ERC2: variants seen among roughly 807,000 people sequenced by gnomAD.
ERC2 encodes ERC protein 2.
A neutral mutation model predicts 114.8 loss-of-function variants in ERC2; 42 were observed. That is an observed-to-expected ratio of 0.37 (90% CI 0.29 to 0.47). The LOEUF (loss-of-function observed/expected upper bound fraction) is 0.47, where lower values mean the gene tolerates loss of function less well. ERC2 is among the 20% of genes least tolerant of loss of function. The pLI is 0.99. For missense variants in ERC2, 939 were observed against 1,150.7 expected (o/e 0.82, Z 2.66); for synonymous variants, 454 against 425.5 (o/e 1.07, Z -0.82).
intron 3 of ERC2, among the ~76,000 whole-genome samples, chr3:56,267,717 T>C (rs2053411934): frequency 6.6e-6 from 1 of 152,068 alleles, no homozygotes. Flanking sequence ...AGGCGTAGGT[T>C]GCAGTGAGCC....
intron 13 of ERC2, among the ~76,000 whole-genome samples, chr3:55,921,999 C>A (rs1311225002): frequency 6.6e-6 from 1 of 152,018 alleles, no homozygotes; most frequent in Non-Finnish European, 1.5e-5. Flanking sequence ...TACTGCTTTG[C>A]CCTACACATT....
intron 14 of ERC2, among the ~76,000 whole-genome samples, chr3:55,748,682 G>A (rs2066467287): frequency 6.6e-6 from 1 of 152,174 alleles, no homozygotes; most frequent in African/African-American, 2.4e-5. Context: ...CCCTCTGCAT[G>A]TATCAAATAC....
At chr3:55,939,014 T>C (rs954482382) in intron 13 of ERC2, among the ~76,000 whole-genome samples, 1 of 152,210 alleles carries the variant, frequency 6.6e-6, no homozygotes, top group African/African-American at 2.4e-5. Flanking sequence ...TAGAAATCAA[T>C]GTGGATTCTG....
intron 2 of ERC2, among the ~76,000 whole-genome samples, chr3:56,404,046 T>C (rs943943159): frequency 2.6e-5 from 4 of 152,236 alleles, no homozygotes; most frequent in African/African-American, 9.6e-5. Context: ...TTGGGCCTTC[T>C]TCATGGAACT....
chr3:56,332,288 C>A (rs1192472696), intron 2 of ERC2, among the ~76,000 whole-genome samples: 1 of 152,202 alleles, frequency 6.6e-6, no homozygotes, highest in African/African-American at 2.4e-5. Context: ...GCCAAAGCAT[C>A]CAAGCTCATA....
intron 7 of ERC2, among the ~76,000 whole-genome samples, chr3:56,079,521 G>C (rs2077129220): frequency 6.6e-6 from 1 of 152,146 alleles, no homozygotes; most frequent in Admixed American, 6.5e-5. Flanking sequence ...GGCCAGACTG[G>C]CCAGAGGGAG....
chr3:56,357,737 T>C (rs1440555868), intron 2 of ERC2, among the ~76,000 whole-genome samples: 1 of 150,018 alleles, frequency 6.7e-6, no homozygotes, highest in Non-Finnish European at 1.5e-5. Flanking sequence ...TCATATTCCA[T>C]TGTTAAACTT....
At chr3:56,274,593 C>A (rs930924153) in intron 3 of ERC2, among the ~76,000 whole-genome samples, 2 of 152,128 alleles carry the variant, frequency 1.3e-5, no homozygotes, top group African/African-American at 4.8e-5. Context: ...TTGTGATTTG[C>A]CTAAAAACTG....
chr3:56,376,137 G>A (rs916597792), intron 2 of ERC2, among the ~76,000 whole-genome samples: 1 of 152,194 alleles, frequency 6.6e-6, no homozygotes, highest in African/African-American at 2.4e-5. Flanking sequence ...ATGCAGCTAA[G>A]CTGTCCTCAG....
chr3:56,431,338 C>A (rs1476856018), intron 2 of ERC2, among the ~76,000 whole-genome samples: 2 of 152,148 alleles, frequency 1.3e-5, no homozygotes, highest in Non-Finnish European at 2.9e-5. Context: ...AGGACTCCAC[C>A]TCACACTCCC....
intron 1 of ERC2, among the ~76,000 whole-genome samples, chr3:56,443,958 A>ATTTTTTTTTTTTTTT (rs11343406): frequency 3.4e-4 from 27 of 80,236 alleles, no homozygotes; most frequent in South Asian, 5.5e-4. Context: ...AATACCTACA[A>ATTTTTTTTTTTTTTT]TTTTTTTTTT....
chr3:55,864,269 ATG>A (rs1160212991), intron 14 of ERC2, among the ~76,000 whole-genome samples: 3 of 148,798 alleles, frequency 2.0e-5, no homozygotes, highest in Non-Finnish European at 3.0e-5. Flanking sequence ...GTGTGTGTGT[ATG>A]TGTGTGTTTA....
intron 14 of ERC2, among the ~76,000 whole-genome samples, chr3:55,742,179 G>A (rs1005514740): frequency 2.6e-5 from 4 of 151,708 alleles, no homozygotes; most frequent in African/African-American, 9.7e-5. Flanking sequence ...GCCTTCTTTT[G>A]AGTGTCGCCT....
chr3:55,612,811 G>A (rs1280799845), intron 17 of ERC2: 1 of 152,166 alleles, frequency 6.6e-6, no homozygotes, highest in Admixed American at 6.5e-5. Flanking sequence ...GTTTTAGAAT[G>A]TATCTACTAT....
chr3:56,364,783 C>G lies in ERC2; in HGVS notation c.658-68348G>C, dbSNP rs187017183. 1.6e-3 allele frequency among the ~76,000 whole-genome samples: 248 copies of G among 152,310 alleles called. 1 individual carries two copies. Among genetic ancestry groups the G allele is most frequent in the Non-Finnish European group, 2.9e-3 (197 of 68,030 alleles). Reference sequence around the variant, plus strand: ...AAGCCTTAATCTTCTCCCGTTGGGGCTCATAACACATGGTGGTGGAATGCC... The same window carrying G: ...AAGCCTTAATCTTCTCCCGTTGGGGGTCATAACACATGGTGGTGGAATGCC... On this transcript the variant is annotated intron_variant, in intron 2 of 17. Coordinates refer to ENST00000288221, the MANE Select transcript of ERC2 (RefSeq NM_015576.3).
At chr3:56,049,150 G>A (rs1055447580) in intron 7 of ERC2, among the ~76,000 whole-genome samples, 6 of 152,182 alleles carry the variant, frequency 3.9e-5, no homozygotes, top group Non-Finnish European at 1.5e-5. Context: ...AAAGCAGTAG[G>A]TGGCTTTAGC....
chr3:55,976,064 C>T (rs894208591), intron 12 of ERC2, among the ~76,000 whole-genome samples: 4 of 152,150 alleles, frequency 2.6e-5, no homozygotes, highest in African/African-American at 4.8e-5. Flanking sequence ...GGCTACCTAG[C>T]GATCCCAAAG....
chr3:55,901,233 T>C (rs1392697346), intron 13 of ERC2, among the ~76,000 whole-genome samples: 1 of 152,250 alleles, frequency 6.6e-6, no homozygotes, highest in Non-Finnish European at 1.5e-5. Flanking sequence ...TAGTTGATTT[T>C]TGTATTCTAT....
At chr3:56,285,665 G>C (rs906900308) in intron 3 of ERC2, among the ~76,000 whole-genome samples, 1 of 152,220 alleles carries the variant, frequency 6.6e-6, no homozygotes, top group Non-Finnish European at 1.5e-5. Context: ...TTCTGGCTTA[G>C]CTGAGTAAGA....
Sources: gnomAD v4.1 joint callset for allele counts (sites outside exome capture counted in the v4.1 genomes callset) on GRCh38, gnomAD v4.1.1 for gene constraint, MANE v1.5 for transcripts, NCBI Gene and HGNC (gene_info 2026-07-23, HGNC 2026-07-21) for gene names.